Variants in GPC3 observed in about 807,000 individuals in gnomAD.
GPC3 encodes glypican 3, also known as glypican-3.
A neutral mutation model predicts 34.4 loss-of-function variants in GPC3; 3 were observed. The ratio of observed to expected loss-of-function variants is 0.09; its 90% CI spans 0.04 to 0.23. The LOEUF is 0.23. Among genes scored for constraint, GPC3 ranks in the 10% least tolerant of loss-of-function variants. GPC3 has a pLI of 1.00. For missense variants in GPC3, 351 were observed against 445.6 expected (o/e 0.79, Z 1.91); for synonymous variants, 177 against 174.0 (o/e 1.02, Z -0.13).
At chrX:133,566,075 C>T (rs747296100) in intron 7 of GPC3, among the ~76,000 whole-genome samples, 13 of 112,357 alleles carry the variant, frequency 1.2e-4, no homozygotes, top group Non-Finnish European at 2.4e-4. Context: ...GGAAGAGTGA[C>T]TTTAATTTTT....
intron 7 of GPC3, among the ~76,000 whole-genome samples, chrX:133,563,484 ACAAT>A (rs2069556451): frequency 8.9e-6 from 1 of 112,418 alleles, no homozygotes; most frequent in Non-Finnish European, 1.9e-5. Context: ...AACATTAGAA[ACAAT>A]CAGATTTATA....
chrX:133,764,627 C>G (rs1345835676), intron 2 of GPC3, among the ~76,000 whole-genome samples: 1 of 111,854 alleles, frequency 8.9e-6, no homozygotes, highest in Non-Finnish European at 1.9e-5. Flanking sequence ...AGGAAAGTAG[C>G]TAAACAGAAC....
At chrX:133,838,318 T>C (rs1016152782) in intron 2 of GPC3, among the ~76,000 whole-genome samples, 6 of 112,504 alleles carry the variant, frequency 5.3e-5, no homozygotes, top group African/African-American at 1.9e-4. Flanking sequence ...ATGAAAGGGA[T>C]GTTCCCATCT....
intron 3 of GPC3, among the ~76,000 whole-genome samples, chrX:133,703,530 G>A (rs1318911944): frequency 9.4e-6 from 1 of 106,662 alleles, no homozygotes; most frequent in African/African-American, 3.5e-5. Context: ...GTGCAATCTC[G>A]GCTCACTGCA....
At chrX:133,691,426 G>C (rs1486780346) in intron 5 of GPC3, among the ~76,000 whole-genome samples, 4 of 109,235 alleles carry the variant, frequency 3.7e-5, no homozygotes, top group African/African-American at 1.3e-4. Flanking sequence ...TTGATCCTGG[G>C]AGGCGGAGGT....
intron 2 of GPC3, chrX:133,762,902 A>T (rs1603242431): frequency 1.8e-6 from 1 of 549,431 alleles, no homozygotes; most frequent in East Asian, 3.3e-5. Flanking sequence ...CAAATGAAAC[A>T]GTACATCTAT....
intron 4 of GPC3, among the ~76,000 whole-genome samples, chrX:133,699,341 A>G (rs1243607150): frequency 8.9e-6 from 1 of 112,364 alleles, no homozygotes; most frequent in Non-Finnish European, 1.9e-5. Flanking sequence ...TCAAAAAAAT[A>G]GAATGGGGAT....
At chrX:133,753,461 C>T in intron 3 of GPC3, 21 bp downstream of exon 3, 1 of 1,168,215 alleles carries the variant, frequency 8.6e-7, no homozygotes, top group Non-Finnish European at 1.2e-6. Flanking sequence ...AATCCTCTGA[C>T]AACTGTAGAC....
chrX:133,735,289 CA>C (rs889589783), intron 3 of GPC3, among the ~76,000 whole-genome samples: 3 of 110,107 alleles, frequency 2.7e-5, no homozygotes, highest in Non-Finnish European at 3.8e-5. Flanking sequence ...AATTGAGAGT[CA>C]AAAAAAACCC....
chrX:133,758,716 A>G (rs1440556772), intron 2 of GPC3, among the ~76,000 whole-genome samples: 1 of 111,610 alleles, frequency 9.0e-6, no homozygotes, highest in African/African-American at 3.3e-5. Flanking sequence ...AAATTAAAAA[A>G]TAAAGAAAAC....
At chrX:133,559,874 C>A (rs1020266891) in intron 7 of GPC3, among the ~76,000 whole-genome samples, 6 of 111,416 alleles carry the variant, frequency 5.4e-5, no homozygotes, top group Non-Finnish European at 5.6e-5. Flanking sequence ...ACCCGCCCAC[C>A]CTTTGATGTC....
At chrX:133,794,351 C>T (rs748040662) in intron 2 of GPC3, among the ~76,000 whole-genome samples, 1 of 111,826 alleles carries the variant, frequency 8.9e-6, no homozygotes, top group Non-Finnish European at 1.9e-5. Context: ...AAGGAAAGAA[C>T]GTAAGTGCTT....
intron 5 of GPC3, among the ~76,000 whole-genome samples, chrX:133,670,552 T>A (rs988340982): frequency 8.9e-6 from 1 of 112,176 alleles, no homozygotes; most frequent in African/African-American, 3.2e-5. Context: ...CCCAGCTATG[T>A]ATGGCTAAAA....
chrX:133,828,619 T>C (rs5975427), intron 2 of GPC3, among the ~76,000 whole-genome samples: 5,111 of 111,207 alleles, frequency 0.046, 301 homozygotes, highest in African/African-American at 0.16. Flanking sequence ...CACTTACATG[T>C]GGAATCTGAA....
At chrX:133,961,163 T>C (rs150720565) in intron 1 of GPC3, among the ~76,000 whole-genome samples, 1,229 of 111,592 alleles carry the variant, frequency 0.011, 22 homozygotes, top group African/African-American at 0.037. Context: ...GGAACCCAGC[T>C]GAAGGTTACC....
chrX:133,728,683 AAT>A (rs2071435913), intron 3 of GPC3, among the ~76,000 whole-genome samples: 1 of 112,505 alleles, frequency 8.9e-6, no homozygotes, highest in Admixed American at 9.4e-5. Context: ...TGTGGCTATG[AAT>A]CCAATTTGAG....
rs137885405 is a variant in GPC3 at position 133,713,282 on chromosome X, C to T, written c.1033-13254G>A. Among the ~76,000 whole-genome samples, 789 of 112,258 alleles carry T rather than the reference C, an allele frequency of 7.0e-3. 2 individuals carry two copies. Among genetic ancestry groups the T allele is most frequent in the Middle Eastern group, 0.065 (14 of 214 alleles). On this transcript the variant is annotated intron_variant, in intron 3 of 7. Coordinates refer to ENST00000370818, the MANE Select transcript of GPC3 (RefSeq NM_004484.4). ...TCAAACAAATGTGATGAAATTTGCA[C>T]TGATGCAAAAGCTATGGTGGGTAAA...
In GPC3 at chrX:133,773,100, C is replaced by T. The variant is rs764995638; in HGVS notation, c.338-18924G>A. Among the ~76,000 whole-genome samples the T allele has an allele frequency of 4.5e-5, 5 of 110,189 alleles. No homozygotes were observed. In the East Asian group the frequency reaches 1.4e-3, roughly 31 times the overall value. ...TGAGATGGAGTTTCGCTCTTCTTGC[C>T]CAGGCTGGAGTGCAATGGTGCAATC... On this transcript the variant is annotated intron_variant, in intron 2 of 7. Coordinates refer to ENST00000370818, the MANE Select transcript of GPC3 (RefSeq NM_004484.4).
intron 2 of GPC3, among the ~76,000 whole-genome samples, chrX:133,813,972 C>T (rs1455681863): frequency 2.7e-5 from 3 of 111,832 alleles, no homozygotes; most frequent in Non-Finnish European, 3.8e-5. Context: ...GGATTTCAAT[C>T]GTACAAACGT....
Sources: gnomAD v4.1 joint callset for allele counts (sites outside exome capture counted in the v4.1 genomes callset) on GRCh38, gnomAD v4.1.1 for gene constraint, MANE v1.5 for transcripts, NCBI Gene and HGNC (gene_info 2026-07-23, HGNC 2026-07-21) for gene names.